COBL: variants seen among roughly 807,000 people sequenced by gnomAD.
COBL encodes the protein protein cordon-bleu.
Under a neutral mutation model 98.8 loss-of-function variants are expected in COBL, and 51 were observed. The observed-to-expected ratio is 0.52, with a 90% CI of 0.41 to 0.65. COBL has a LOEUF of 0.65. COBL is among the 30% of genes least tolerant of loss of function. COBL has a pLI of 0.00. For synonymous variants in COBL, 634 were observed against 651.7 expected (o/e 0.97, Z 0.41); for missense variants, 1,617 against 1,617.5 (o/e 1.00, Z 0.01).
At chr7:51,125,178 C>A (rs1798089055) in intron 6 of COBL, among the ~76,000 whole-genome samples, 1 of 152,126 alleles carries the variant, frequency 6.6e-6, no homozygotes, top group South Asian at 2.1e-4. Flanking sequence ...GGAGATGGGG[C>A]CTCTAAAGAA....
intron 8 of COBL, chr7:51,031,135 G>T (rs1458869951): frequency 3.7e-5 from 20 of 544,780 alleles, no homozygotes; most frequent in African/African-American, 5.7e-5. Flanking sequence ...TAGCGTGTGT[G>T]CATGTGTGGA....
chr7:51,174,144 A>G (rs1238156965), intron 5 of COBL, among the ~76,000 whole-genome samples: 1 of 152,198 alleles, frequency 6.6e-6, no homozygotes, highest in Non-Finnish European at 1.5e-5. Context: ...CATACAATGT[A>G]AACCAGTGAT....
intron 5 of COBL, among the ~76,000 whole-genome samples, chr7:51,158,665 A>C (rs1001505091): frequency 6.6e-6 from 1 of 151,946 alleles, no homozygotes; most frequent in African/African-American, 2.4e-5. Context: ...AGGCTGGGAA[A>C]GTGTCCGCCC....
At chr7:51,301,847 T>C (rs1801996825) in intron 1 of COBL, among the ~76,000 whole-genome samples, 1 of 152,216 alleles carries the variant, frequency 6.6e-6, no homozygotes, top group Non-Finnish European at 1.5e-5. Flanking sequence ...CCTCCATCCT[T>C]GGGCTTCCAC....
chr7:51,108,360 C>T (rs537418713), intron 6 of COBL, among the ~76,000 whole-genome samples: 1 of 152,246 alleles, frequency 6.6e-6, no homozygotes, highest in South Asian at 2.1e-4. Flanking sequence ...GAATACACCA[C>T]GCTTTATGTG....
intron 7 of COBL, chr7:51,083,120 A>G: frequency 1.3e-6 from 2 of 1,495,232 alleles, no homozygotes; most frequent in South Asian, 2.4e-5. Context: ...GAGAGGCTCC[A>G]CCACGTCTGT....
intron 1 of COBL, among the ~76,000 whole-genome samples, chr7:51,268,633 T>A (rs530340801): frequency 6.6e-6 from 1 of 152,000 alleles, no homozygotes; most frequent in Non-Finnish European, 1.5e-5. Context: ...AACACAGGTG[T>A]CTTTATCAGG....
intron 1 of COBL, among the ~76,000 whole-genome samples, chr7:51,282,469 C>T (rs1799896079): frequency 6.6e-6 from 1 of 151,792 alleles, no homozygotes. Context: ...AGAAAATTAC[C>T]AGGGATAAAG....
chr7:51,130,090 T>C (rs1352217235), intron 6 of COBL, among the ~76,000 whole-genome samples: 1 of 152,150 alleles, frequency 6.6e-6, no homozygotes, highest in Non-Finnish European at 1.5e-5. Context: ...CAGGTTGATG[T>C]GGTTGATGTG....
Position 51,158,094 on chromosome 7 carries a change from G to A in COBL, c.784-21763C>T, listed in dbSNP as rs904919168. ...AGGCAGTGTCATCTGTGTCTGCTGT[G>A]TTTCTTAGTCGTTAACAAAAAGACA... On this transcript the variant is annotated intron_variant, in intron 5 of 12. Coordinates refer to ENST00000265136, the MANE Select transcript of COBL (RefSeq NM_015198.5). 4.6e-5 allele frequency among the ~76,000 whole-genome samples: 7 copies of A among 152,260 alleles called. No homozygotes were observed. In the East Asian group the frequency reaches 1.4e-3, roughly 29 times the overall value.
intron 6 of COBL, among the ~76,000 whole-genome samples, chr7:51,125,377 G>A (rs1798102642): frequency 6.6e-6 from 1 of 152,142 alleles, no homozygotes; most frequent in Non-Finnish European, 1.5e-5. Context: ...CCTTGGTCTT[G>A]AACTTCCAGC....
intron 1 of COBL, among the ~76,000 whole-genome samples, chr7:51,298,404 G>C (rs895574774): frequency 6.6e-6 from 1 of 152,224 alleles, no homozygotes; most frequent in Non-Finnish European, 1.5e-5. Flanking sequence ...TGCTTTAAGA[G>C]GTGGCCTGCT....
chr7:51,177,854 G>A (rs1036930523), intron 5 of COBL, among the ~76,000 whole-genome samples: 4 of 151,394 alleles, frequency 2.6e-5, no homozygotes, highest in African/African-American at 9.7e-5. Flanking sequence ...TAAAAATATA[G>A]TTTTTGTTGG....
intron 4 of COBL, 60 bp from the exon 5 acceptor site, chr7:51,184,259 A>G: frequency 2.1e-6 from 2 of 968,994 alleles, no homozygotes; most frequent in Non-Finnish European, 1.5e-6. Flanking sequence ...TCAATACTTT[A>G]CTTAAAAAAT....
intron 1 of COBL, among the ~76,000 whole-genome samples, chr7:51,276,084 T>C (rs1799283835): frequency 6.6e-6 from 1 of 152,106 alleles, no homozygotes; most frequent in Non-Finnish European, 1.5e-5. Context: ...TAAATGAAAA[T>C]GTGCACTGAG....
intron 1 of COBL, among the ~76,000 whole-genome samples, chr7:51,288,619 T>TG (rs757141854): frequency 1.7e-4 from 26 of 151,640 alleles, no homozygotes; most frequent in African/African-American, 5.6e-4. Context: ...CAGGCATGGT[T>TG]GGGGGGTGCC....
chr7:51,156,858 A>T (rs1786198307), intron 5 of COBL, among the ~76,000 whole-genome samples: 1 of 152,128 alleles, frequency 6.6e-6, no homozygotes, highest in Admixed American at 6.5e-5. Context: ...TGTACTTAAA[A>T]TAGAAACACA....
rs114792102 is a variant in COBL, at chr7:51,235,236, C to A, written c.42-15292G>T. 3.1e-3 allele frequency among the ~76,000 whole-genome samples: 470 copies of A among 152,276 alleles called. 2 individuals are homozygous for A. The highest frequency in any genetic ancestry group is 0.011 in the African/African-American group (439 of 41,554). On this transcript the variant is annotated intron_variant, in intron 1 of 12. Coordinates refer to ENST00000265136, the MANE Select transcript of COBL (RefSeq NM_015198.5). ...TAACACCACAATTCTCCAAGTTAAC[C>A]CCTCTCAGTTTTATATCGTGGCCCC...
chr7:51,049,182 G>A, intron 7 of COBL, among the ~76,000 whole-genome samples: 1 of 152,202 alleles, frequency 6.6e-6, no homozygotes, highest in African/African-American at 2.4e-5. Context: ...ACCACCTGAT[G>A]TTCAAAAAGA....
Sources: gnomAD v4.1 joint callset for allele counts (sites outside exome capture counted in the v4.1 genomes callset) on GRCh38, gnomAD v4.1.1 for gene constraint, MANE v1.5 for transcripts, NCBI Gene and HGNC (gene_info 2026-07-23, HGNC 2026-07-21) for gene names.